Variants in CSMD1 observed in about 807,000 individuals in gnomAD.
CSMD1 encodes the protein CUB and Sushi multiple domains 1, also known as CUB and sushi domain-containing protein 1.
In CSMD1, 213 loss-of-function variants were observed where a neutral mutation model predicts 417.5. The ratio of observed to expected loss-of-function variants is 0.51; its 90% CI spans 0.46 to 0.57. The LOEUF (loss-of-function observed/expected upper bound fraction) is 0.57. Among genes scored for constraint, CSMD1 ranks in the 20% least tolerant of loss-of-function variants. The pLI is 0.00. For missense variants in CSMD1, 6,923 were observed against 4,529.7 expected (o/e 1.53, Z -15.17); for synonymous variants, 2,862 against 1,736.8 (o/e 1.65, Z -16.11).
At chr8:4,191,742 T>C (rs1221775624) in intron 3 of CSMD1, among the ~76,000 whole-genome samples, 1 of 43,492 alleles carries the variant, frequency 2.3e-5, no homozygotes, top group Non-Finnish European at 4.8e-5. Context: ...GGAAGGTCAT[T>C]CCAAAAAAAA....
intron 3 of CSMD1, among the ~76,000 whole-genome samples, chr8:4,199,139 G>C (rs1339371054): frequency 7.2e-5 from 11 of 152,098 alleles, no homozygotes; most frequent in Admixed American, 6.6e-5. Context: ...ATATTTGTAT[G>C]AGACTGCAGA....
chr8:3,730,753 C>G (rs1802798776), intron 6 of CSMD1, among the ~76,000 whole-genome samples: 1 of 152,102 alleles, frequency 6.6e-6, no homozygotes, highest in African/African-American at 2.4e-5. Context: ...GCAGATAGGA[C>G]CAGAGTTATG....
chr8:3,541,166 T>C (rs1218376783), intron 10 of CSMD1, among the ~76,000 whole-genome samples: 2 of 152,176 alleles, frequency 1.3e-5, no homozygotes, highest in African/African-American at 4.8e-5. Flanking sequence ...AAAGAAAATG[T>C]GGTAGATATA....
intron 2 of CSMD1, among the ~76,000 whole-genome samples, chr8:4,431,987 C>G (rs541128625): frequency 6.6e-5 from 10 of 152,102 alleles, no homozygotes; most frequent in African/African-American, 2.4e-4. Context: ...CATTTATGCA[C>G]TTCATTATAT....
chr8:3,873,184 C>A (rs1475568296), intron 5 of CSMD1, among the ~76,000 whole-genome samples: 1 of 152,212 alleles, frequency 6.6e-6, no homozygotes, highest in East Asian at 1.9e-4. Flanking sequence ...ACCATTCAAG[C>A]CAGCAATCCC....
intron 1 of CSMD1, among the ~76,000 whole-genome samples, chr8:4,810,652 C>T (rs565565978): frequency 1.3e-5 from 2 of 150,922 alleles, no homozygotes; most frequent in East Asian, 3.9e-4. Context: ...TTTTGTATTA[C>T]ATAGAAAATT....
chr8:3,141,031 C>A (rs1429385637), intron 41 of CSMD1, among the ~76,000 whole-genome samples: 5 of 152,164 alleles, frequency 3.3e-5, no homozygotes, highest in South Asian at 4.1e-4. Flanking sequence ...AGACTTACTG[C>A]CATATGGATC....
At position 4,941,539 on chromosome 8, in the gene CSMD1, T is replaced by A. The variant is rs538452349; in HGVS notation, c.85+52793A>T. ...GTAACTTGTTGTGTTTCTTCTGCAG[T>A]CTTTGTCAATTTTTTTCATTTTTAT... On this transcript the variant is annotated intron_variant, in intron 1 of 69. Coordinates refer to ENST00000635120, the MANE Select transcript of CSMD1 (RefSeq NM_033225.6). 2.6e-5 allele frequency among the ~76,000 whole-genome samples: 4 copies of A among 152,304 alleles called. No individual in the cohort carries two copies. In the East Asian group the frequency reaches 5.8e-4, roughly 22 times the overall value.
chr8:3,335,347 T>C (rs1009872952), intron 23 of CSMD1, among the ~76,000 whole-genome samples: 4 of 152,158 alleles, frequency 2.6e-5, no homozygotes, highest in Admixed American at 6.5e-5. Context: ...CAGTGGTGTG[T>C]GTCCCAACGA....
In CSMD1 at chr8:4,177,269, A is replaced by G. The variant is rs1160432601; in HGVS notation, c.416-145170T>C. ...TGCAATCAAGCTAGAACTCAGGATT[A>G]AGAAACTCACTCAAAACCGCTCAAC... On this transcript the variant is annotated intron_variant, in intron 3 of 69. Transcript: ENST00000635120. 2.0e-5 allele frequency among the ~76,000 whole-genome samples: 3 copies of G among 152,188 alleles called. No homozygotes were observed. In the East Asian group the frequency reaches 5.8e-4, roughly 29 times the overall value.
chr8:3,061,840 T>TA (rs1812608767), intron 49 of CSMD1, among the ~76,000 whole-genome samples: 1 of 152,052 alleles, frequency 6.6e-6, no homozygotes, highest in Non-Finnish European at 1.5e-5. Context: ...TAGACTCTAT[T>TA]TTTTTTATTA....
In CSMD1 at chr8:4,479,974, A is replaced by T. The variant is rs550125863; in HGVS notation, c.303-59909T>A. On this transcript the variant is annotated intron_variant, in intron 2 of 69. Coordinates refer to ENST00000635120, the MANE Select transcript of CSMD1 (RefSeq NM_033225.6). Reference sequence around the variant, plus strand: ...CAGCAAGTCTCTGTCTCAAAAAAAAAAAAAAATAAAAAGTCAACAAAAAAA... The same window carrying T: ...CAGCAAGTCTCTGTCTCAAAAAAAATAAAAAATAAAAAGTCAACAAAAAAA... Among the ~76,000 whole-genome samples the T allele has an allele frequency of 5.0e-4, 75 of 151,336 alleles. 1 individual carries two copies. Among genetic ancestry groups the T allele is most frequent in the South Asian group, 1.3e-3 (6 of 4,794 alleles).
intron 12 of CSMD1, among the ~76,000 whole-genome samples, chr8:3,462,124 C>A (rs896408988): frequency 4.3e-4 from 6 of 14,078 alleles, no homozygotes; most frequent in South Asian, 4.9e-3. Flanking sequence ...GAATCCAGGC[C>A]CCCCCCCCCA....
rs1377911719 is a variant in CSMD1 at position 3,310,678 on chromosome 8, A to AAACTT, written c.3632-2180_3632-2176dup. On this transcript the variant is annotated intron_variant, in intron 23 of 69. Transcript: ENST00000635120. ...GTACCACTGGAACAGGATCCTGGGAAAACTTAAAAATCTTTTTGAGGGGTG... is the reference window on the plus strand; with the variant it reads ...GTACCACTGGAACAGGATCCTGGGAAAACTTAACTTAAAAATCTTTTTGAGGGGTG... 7.2e-5 allele frequency among the ~76,000 whole-genome samples: 11 copies of AAACTT among 152,278 alleles called. No individual in the cohort carries two copies. The East Asian group carries it at 1.4e-3, about 19-fold the overall frequency.
At chr8:3,063,395 C>A (rs1403749026) in intron 49 of CSMD1, among the ~76,000 whole-genome samples, 1 of 152,158 alleles carries the variant, frequency 6.6e-6, no homozygotes, top group African/African-American at 2.4e-5. Flanking sequence ...TGTGTACTGT[C>A]AATAGGACTG....
Position 3,307,186 on chromosome 8 carries a change from T to TTAGCAAGTGTAATGTAAGC in CSMD1, c.3950+490_3950+508dup, listed in dbSNP as rs542953804. ...GAGACTTGCTTTGACAAAGGGCACCTTAGCAAGTGTAATGTAAGCACAAGT... is the reference window on the plus strand; with the variant it reads ...GAGACTTGCTTTGACAAAGGGCACCTTAGCAAGTGTAATGTAAGCTAGCAAGTGTAATGTAAGCACAAGT... On this transcript the variant is annotated intron_variant, in intron 25 of 69. Coordinates refer to ENST00000635120, the MANE Select transcript of CSMD1 (RefSeq NM_033225.6). Among the ~76,000 whole-genome samples the TTAGCAAGTGTAATGTAAGC allele has an allele frequency of 4.2e-4, 64 of 152,296 alleles. No individual in the cohort carries two copies. The South Asian group carries it at 0.013, about 31-fold the overall frequency.
chr8:3,814,530 C>G (rs979455952), intron 5 of CSMD1, among the ~76,000 whole-genome samples: 11 of 152,170 alleles, frequency 7.2e-5, no homozygotes, highest in African/African-American at 2.4e-4. Context: ...TTGGCACTAC[C>G]TGGAGACGCC....
At chr8:4,191,335 G>C (rs1331505466) in intron 3 of CSMD1, among the ~76,000 whole-genome samples, 1 of 152,144 alleles carries the variant, frequency 6.6e-6, no homozygotes. Flanking sequence ...GGCAGAGCCT[G>C]CAGTGAGCAG....
chr8:3,700,409 T>C (rs1800792441), intron 7 of CSMD1: 2 of 152,198 alleles, frequency 1.3e-5, no homozygotes, highest in African/African-American at 4.8e-5. Context: ...TACACGTATA[T>C]GTATATGTAA....
Sources: allele counts gnomAD v4.1 joint callset (sites outside exome capture counted in the v4.1 genomes callset), GRCh38; gene constraint gnomAD v4.1.1; transcripts MANE v1.5; gene names NCBI Gene and HGNC (gene_info 2026-07-23, HGNC 2026-07-21).